DCDC1: variants seen among roughly 807,000 people sequenced by gnomAD.
The protein encoded by DCDC1 is doublecortin domain containing 1, also known as doublecortin domain-containing protein 1.
A neutral mutation model predicts 178.3 loss-of-function variants in DCDC1; 200 were observed. That is an observed-to-expected ratio of 1.12 (90% CI 1.00 to 1.26). The LOEUF (loss-of-function observed/expected upper bound fraction) is 1.26, where lower values mean the gene tolerates loss of function less well. DCDC1 is among the 50% of genes most tolerant of loss of function. The pLI is 0.00. For synonymous variants in DCDC1, 690 were observed against 604.8 expected, an observed-to-expected ratio of 1.14 and a Z score of -2.07; for missense variants, 1,983 against 1,749.2, an observed-to-expected ratio of 1.13 and a Z score of -2.38.
At chr11:31,020,618 G>C (rs969004542) in intron 20 of DCDC1, among the ~76,000 whole-genome samples, 7 of 151,956 alleles carry the variant, frequency 4.6e-5, no homozygotes, top group African/African-American at 1.7e-4. Context: ...TTTATAAATA[G>C]ATAGAGATGA....
At chr11:31,050,220 T>C (rs912527773) in intron 20 of DCDC1, among the ~76,000 whole-genome samples, 1 of 152,120 alleles carries the variant, frequency 6.6e-6, no homozygotes, top group South Asian at 2.1e-4. Context: ...GTGAGGCCTA[T>C]GACTGCCCGC....
chr11:31,298,287 C>T (rs1200296471), intron 6 of DCDC1, among the ~76,000 whole-genome samples: 1 of 152,170 alleles, frequency 6.6e-6, no homozygotes, highest in African/African-American at 2.4e-5. Context: ...CCTTGTCTCA[C>T]CTGATTACCT....
intron 8 of DCDC1, among the ~76,000 whole-genome samples, chr11:31,253,406 G>A (rs1387217461): frequency 6.7e-6 from 1 of 150,310 alleles, no homozygotes; most frequent in African/African-American, 2.4e-5. Context: ...ACCCAGGCTG[G>A]AGTGCAGTGG....
At chr11:30,870,413 G>A (rs1941429459) in intron 38 of DCDC1, among the ~76,000 whole-genome samples, 1 of 152,170 alleles carries the variant, frequency 6.6e-6, no homozygotes, top group Non-Finnish European at 1.5e-5. Flanking sequence ...GTCACACCCA[G>A]TGAACAGAAC....
intron 9 of DCDC1, among the ~76,000 whole-genome samples, chr11:31,175,683 C>A (rs953342540): frequency 6.6e-6 from 1 of 152,200 alleles, no homozygotes; most frequent in Non-Finnish European, 1.5e-5. Context: ...AACCTCCATG[C>A]CCACATGTGT....
intron 21 of DCDC1, among the ~76,000 whole-genome samples, chr11:30,937,626 GATTTTC>G (rs1565098404): frequency 6.6e-6 from 1 of 152,042 alleles, no homozygotes; most frequent in African/African-American, 2.4e-5. Flanking sequence ...TGGAAACCAT[GATTTTC>G]ACTTTTTGTT....
At chr11:31,220,112 C>G (rs937033765) in intron 9 of DCDC1, among the ~76,000 whole-genome samples, 1 of 152,122 alleles carries the variant, frequency 6.6e-6, no homozygotes, top group South Asian at 2.1e-4. Context: ...CTAGGAAGTC[C>G]ATGTCAAAAT....
At chr11:30,922,411 T>C in intron 24 of DCDC1, 92 bp downstream of exon 24, 2 of 1,371,942 alleles carry the variant, frequency 1.5e-6, no homozygotes, top group Non-Finnish European at 1.9e-6. Context: ...GAAATATTAC[T>C]TGTTTAAACA....
At chr11:31,321,426 G>T (rs1176258201) in intron 3 of DCDC1, among the ~76,000 whole-genome samples, 8 of 150,594 alleles carry the variant, frequency 5.3e-5, no homozygotes, top group South Asian at 2.1e-4. Flanking sequence ...TTCCAGGTGC[G>T]TCCGTCACCC....
At chr11:31,064,658 A>G (rs1956149407) in intron 19 of DCDC1, 32 bp from the exon 20 acceptor site, 2 of 762,676 alleles carry the variant, frequency 2.6e-6, no homozygotes, top group African/African-American at 1.7e-5. Flanking sequence ...TCATGTAGCT[A>G]ATTTTCATTG....
At chr11:30,938,325 C>T (rs1228069313) in intron 21 of DCDC1, among the ~76,000 whole-genome samples, 2 of 152,138 alleles carry the variant, frequency 1.3e-5, no homozygotes, top group African/African-American at 4.8e-5. Flanking sequence ...TGGCTCCCTC[C>T]TGTCTGTCTG....
chr11:31,091,403 A>G lies in DCDC1; in HGVS notation c.2227T>C (p.Leu743=), dbSNP rs1256212767. ...ATTTATAAGCATTACCTTTTCTGTA[A>G]GATTAATTTATATCCTTCTAGTGAT... ...GTSLEGYKLI[L]QKRHSGDDSQ... The change falls in exon 17 of 39, where the codon TTA becomes CTA. Residue 743 remains leucine (L), a synonymous_variant. Transcript: ENST00000684477. The G allele has an allele frequency of 1.3e-6, 1 of 745,736 alleles. No homozygotes were observed. The highest frequency in any genetic ancestry group is 1.8e-5 in the Admixed American group (1 of 56,386). 46.2% of individuals were successfully genotyped at this position (745,736 alleles called of 1,614,324 possible).
chr11:31,028,353 A>G (rs1384814461), intron 20 of DCDC1, among the ~76,000 whole-genome samples: 2 of 151,926 alleles, frequency 1.3e-5, no homozygotes, highest in Non-Finnish European at 2.9e-5. Flanking sequence ...TCAGTAATAG[A>G]ACAAATGTCT....
intron 20 of DCDC1, among the ~76,000 whole-genome samples, chr11:30,988,951 G>A (rs555790064): frequency 2.6e-5 from 4 of 152,268 alleles, no homozygotes; most frequent in African/African-American, 9.6e-5. Context: ...TGGCTGGCAT[G>A]AAAATGGATC....
intron 20 of DCDC1, among the ~76,000 whole-genome samples, chr11:31,061,472 TA>T (rs1955915232): frequency 6.6e-6 from 1 of 151,926 alleles, no homozygotes; most frequent in Admixed American, 6.6e-5. Flanking sequence ...TGTGTGTGTT[TA>T]AAGAGGTAAA....
chr11:30,975,741 G>A (rs550039696), intron 20 of DCDC1, among the ~76,000 whole-genome samples: 11 of 152,112 alleles, frequency 7.2e-5, no homozygotes, highest in African/African-American at 1.4e-4. Flanking sequence ...GACATTCCAT[G>A]TTCAGGGATG....
chr11:30,911,326 C>G lies in DCDC1; in HGVS notation c.3747+1G>C. ...CTAATCTTTAGCCATACATATCTTA[C>G]CTGAACAATAACTGGATAGCCACAA... On this transcript the variant is annotated splice_donor_variant, in intron 28 of 38. Coordinates refer to ENST00000684477, the MANE Select transcript of DCDC1 (RefSeq NM_001387274.1). LOFTEE classifies it high-confidence loss of function. 1 of 1,598,004 alleles carries G rather than the reference C, an allele frequency of 6.3e-7. No individual in the cohort carries two copies.
At chr11:31,276,774 T>C (rs894431293) in intron 7 of DCDC1, among the ~76,000 whole-genome samples, 2 of 152,126 alleles carry the variant, frequency 1.3e-5, no homozygotes, top group Non-Finnish European at 2.9e-5. Context: ...CCAAATCTAG[T>C]TATTTGCTTG....
At chr11:31,255,258 T>C (rs567076758) in intron 8 of DCDC1, among the ~76,000 whole-genome samples, 1 of 152,338 alleles carries the variant, frequency 6.6e-6, no homozygotes, top group South Asian at 2.1e-4. Flanking sequence ...GCTATAAACA[T>C]GCATGTACAT....
Sources: gnomAD v4.1 joint callset for allele counts (sites outside exome capture counted in the v4.1 genomes callset) on GRCh38, gnomAD v4.1.1 for gene constraint, MANE v1.5 for transcripts, NCBI Gene and HGNC (gene_info 2026-07-23, HGNC 2026-07-21) for gene names.